The following SLC16A8 variants were observed in gnomAD, a reference collection of about 807,000 sequenced individuals.
The protein encoded by SLC16A8 is solute carrier family 16 member 8.
In SLC16A8, 20 loss-of-function variants were observed where a neutral mutation model predicts 22.4. The observed-to-expected ratio is 0.89, with a 90% confidence interval of 0.63 to 1.30. The LOEUF (loss-of-function observed/expected upper bound fraction) is 1.30, where lower values mean the gene tolerates loss of function less well. Ranked by LOEUF, SLC16A8 falls within the 50% of genes most tolerant of loss-of-function variation. SLC16A8 has a pLI of 0.00. For missense variants in SLC16A8, 817 were observed against 740.3 expected (o/e 1.10, Z -1.20); for synonymous variants, 393 against 358.8 (o/e 1.10, Z -1.08).
intron 5 of SLC16A8, 37 bp downstream of exon 5, chr22:38,080,803 C>T (rs948567646): frequency 1.4e-6 from 2 of 1,459,244 alleles, no homozygotes; most frequent in Non-Finnish European, 1.8e-6. Flanking sequence ...GTCTAAGGGG[C>T]ACTAGGCTCG....
In SLC16A8 at chr22:38,082,716, C is replaced by G. The variant is rs748954724; in HGVS notation, c.158G>C (p.Gly53Ala). ...GGACACCCAGGCCGTGTCGCTGTAG[C>G]CGGCGTCGAAGTCGCGCATGAGCGC... Reference protein sequence around the residue: ...FRALMRDFDAGYSDTAWVSSI... With the variant: ...FRALMRDFDAAYSDTAWVSSI... Residue 53 changes from glycine to alanine, a missense_variant, in exon 3 of 6, where the codon GGC (glycine) becomes GCC (alanine). Coordinates refer to ENST00000681075, the MANE Select transcript of SLC16A8 (RefSeq NM_013356.3). 10 of 1,591,598 alleles carry G rather than the reference C, an allele frequency of 6.3e-6. No individual in the cohort carries two copies. In the Admixed American group the frequency reaches 8.9e-5, roughly 14 times the overall value.
rs1356091524 is a variant in SLC16A8, at chr22:38,082,863, C to G, written c.11G>C (p.Gly4Ala). The G allele has an allele frequency of 6.5e-7, 1 of 1,544,912 alleles. No homozygotes were observed. The highest frequency in any genetic ancestry group is 8.7e-7 in the Non-Finnish European group (1 of 1,149,816). MGA[G>A]GPRRGEGPPD... is the part of the protein sequence containing the mutation. ...GGGGCCCTCGCCCCGCCGGGGGCCG[C>G]CAGCGCCCATCGCTGCCTCTGTTGG... is the stretch of plus-strand genomic sequence containing the variant. The change falls in exon 3 of 6, where the codon GGC (glycine) becomes GCC (alanine). Residue 4 changes from glycine (G) to alanine (A), a missense_variant. Transcript: ENST00000681075.
intron 3 of SLC16A8, 131 bp downstream of exon 3, chr22:38,082,529 G>A: frequency 1.3e-6 from 1 of 771,394 alleles, no homozygotes; most frequent in Non-Finnish European, 2.0e-6. Flanking sequence ...TCTGGTGCCA[G>A]GGTTCCCACA....
chr22:38,081,819 C>T, intron 4 of SLC16A8, 70 bp downstream of exon 4: 1 of 1,518,404 alleles, frequency 6.6e-7, no homozygotes, highest in Non-Finnish European at 8.8e-7. Flanking sequence ...CATAGGGAAA[C>T]CGAGGACAGA....
At chr22:38,078,761 C>T in intron 5 of SLC16A8, 57 bp from the exon 6 acceptor site, 1 of 1,475,244 alleles carries the variant, frequency 6.8e-7, no homozygotes. Flanking sequence ...CCTCCCCTCA[C>T]TCTCCTGCAC....
Position 38,080,894 on chromosome 22 carries a change from C to A in SLC16A8, c.1144G>T (p.Gly382Cys), listed in dbSNP as rs1200140797. The change falls in exon 5 of 6, where the codon GGC (glycine) becomes TGC (cysteine). Residue 382 changes from glycine to cysteine, a missense_variant. Physicochemically the swap from Gly to Cys is radical, Grantham distance 159 (BLOSUM62 -3). Transcript: ENST00000681075. ...VGAPRFPSALGLVLLVEAAAV... is the reference protein window; with the variant it reads ...VGAPRFPSALCLVLLVEAAAV... Reference sequence around the variant, plus strand: ...GCGGCCTCCACGAGCAACACCAGGCCCAGCGCACTGGGGAAGCGGGGCGCG... The same window carrying A: ...GCGGCCTCCACGAGCAACACCAGGCACAGCGCACTGGGGAAGCGGGGCGCG... 7.7e-6 allele frequency: 12 copies of A among 1,562,362 alleles called. No homozygotes were observed. Among genetic ancestry groups the A allele is most frequent in the Non-Finnish European group, 1.0e-5 (12 of 1,160,476 alleles).
chr22:38,082,352 A>G (rs1047419033), intron 3 of SLC16A8, among the ~76,000 whole-genome samples: 1 of 152,142 alleles, frequency 6.6e-6, no homozygotes, highest in Admixed American at 6.5e-5. Context: ...GCCCCCACCT[A>G]CAGGTCAGGG....
rs2085910705 is a variant in SLC16A8 at position 38,081,142 on chromosome 22, T to TCCACGAAGC, written c.887_895dup (p.Gly296_Val298dup). 6.5e-7 allele frequency: 1 copy of TCCACGAAGC among 1,545,124 alleles called. No individual in the cohort carries two copies. The highest frequency in any genetic ancestry group is 8.7e-7 in the Non-Finnish European group (1 of 1,145,136). ...GCCGCACGCCGGGCGCGCCACGATG[T>TCCACGAAGC]CCACGAAGCCCACGATGGACAGCAG... On this transcript the variant is annotated inframe_insertion, in exon 5 of 6. Transcript: ENST00000681075.
chr22:38,081,277 G>A lies in SLC16A8; in HGVS notation c.761C>T (p.Ala254Val). 1 of 1,578,496 alleles carries A rather than the reference G, an allele frequency of 6.3e-7. No individual in the cohort carries two copies. Among genetic ancestry groups the A allele is most frequent in the Non-Finnish European group, 8.6e-7 (1 of 1,162,094 alleles). The part of the protein sequence containing the change: ...DLAVCTDRAF[A>V]VYAVTKFLMA... The stretch of plus-strand genomic sequence containing the variant: ...CAGGAACTTGGTGACGGCGTACACG[G>A]CGAAGGCGCGGTCGGTGCACACTGC... Residue 254 changes from alanine to valine, a missense_variant, in exon 5 of 6, where the codon GCC becomes GTC. Physicochemically the swap from Ala to Val is moderately conservative, Grantham distance 64. Coordinates refer to ENST00000681075, the MANE Select transcript of SLC16A8 (RefSeq NM_013356.3).
rs183953135 is a variant in SLC16A8 at position 38,078,816 on chromosome 22, T to G, written c.1199-112A>C. 9.0e-5 allele frequency: 76 copies of G among 844,738 alleles called. 1 individual carries two copies. In the Admixed American group the frequency reaches 1.5e-3, roughly 16 times the overall value. 52.3% of individuals were successfully genotyped at this position (844,738 alleles called of 1,614,324 possible). On this transcript the variant is annotated intron_variant, in intron 5 of 5. Transcript: ENST00000681075. ...CCACTGACTTGGTGAGGCTCCTGGG[T>G]GACACACACATGCCCACTCTTTATT...
intron 5 of SLC16A8, among the ~76,000 whole-genome samples, chr22:38,079,247 T>C (rs2085885874): frequency 1.3e-5 from 2 of 152,232 alleles, no homozygotes; most frequent in African/African-American, 4.8e-5. Context: ...TTCTATCCCT[T>C]GTAGATACTA....
chr22:38,078,279 TG>T lies in SLC16A8; in HGVS notation c.*108del, dbSNP rs1278848451. 2.7e-4 allele frequency: 284 copies of T among 1,054,510 alleles called. No individual in the cohort carries two copies. The Middle Eastern group carries it at 3.9e-3, about 15-fold the overall frequency. The allele number at this position is 1,054,510 out of a possible 1,614,324, so 65.3% of individuals were successfully genotyped here. A position where few individuals can be genotyped will look rare whatever the true frequency, so the allele number is the denominator to read the frequency against. ...CAGGGGATCAACTGGAGCCCAGACG[TG>T]GACCCCGGGAGTGACCACCCCAGAC... is the stretch of plus-strand genomic sequence containing the variant. On this transcript the variant is annotated 3_prime_UTR_variant, in exon 6 of 6. Coordinates refer to ENST00000681075, the MANE Select transcript of SLC16A8 (RefSeq NM_013356.3).
intron 5 of SLC16A8, among the ~76,000 whole-genome samples, chr22:38,080,057 C>T (rs976798742): frequency 1.3e-5 from 2 of 152,254 alleles, no homozygotes; most frequent in East Asian, 3.8e-4. Context: ...ACTGCACCAT[C>T]TCACAGCCCT....
rs2085873413 is a variant in SLC16A8 at position 38,078,272 on chromosome 22, C to A, written c.*116G>T. On this transcript the variant is annotated 3_prime_UTR_variant, in exon 6 of 6. Transcript: ENST00000681075. ...AGACACCCAGGGGATCAACTGGAGC[C>A]CAGACGTGGACCCCGGGAGTGACCA... The A allele has an allele frequency of 3.1e-6, 3 of 979,556 alleles. No homozygotes were observed. Among genetic ancestry groups the A allele is most frequent in the Non-Finnish European group, 4.5e-6 (3 of 659,836 alleles). 60.7% of individuals were successfully genotyped at this position (979,556 alleles called of 1,614,324 possible).
chr22:38,082,674 A>T lies in SLC16A8; in HGVS notation c.200T>A (p.Met67Lys). 6.3e-7 allele frequency: 1 copy of T among 1,581,182 alleles called. No individual in the cohort carries two copies. The change falls in exon 3 of 6, where the codon ATG becomes AAG. Residue 67 changes from methionine to lysine, a missense_variant. Transcript: ENST00000681075. ...GGGACACTGACCCGTGCCGTAGAGC[A>T]TGGCTAGCATGATGGAGGACACCCA... ...TAWVSSIMLA[M>K]LYGTGPVSSI...
At chr22:38,080,745 C>T (rs1224383868) in intron 5 of SLC16A8, 95 bp downstream of exon 5, 1 of 1,419,606 alleles carries the variant, frequency 7.0e-7, no homozygotes, top group Non-Finnish European at 9.2e-7. Context: ...GCCCCTTCCC[C>T]TCATCCCTGG....
chr22:38,078,722 G>A lies in SLC16A8; in HGVS notation c.1199-18C>T. Reference sequence around the variant, plus strand: ...CAGGCGGCCTGGGGAGGAGGAGGAAGAGGAGGGAGAGGTAAGGTCCTGTGG... The same window carrying A: ...CAGGCGGCCTGGGGAGGAGGAGGAAAAGGAGGGAGAGGTAAGGTCCTGTGG... On this transcript the variant is annotated intron_variant, in intron 5 of 5. Transcript: ENST00000681075. 6.3e-7 allele frequency: 1 copy of A among 1,596,426 alleles called. No homozygotes were observed. Among genetic ancestry groups the A allele is most frequent in the Non-Finnish European group, 8.6e-7 (1 of 1,166,840 alleles).
chr22:38,078,313 C>A lies in SLC16A8; in HGVS notation c.*75G>T, dbSNP rs983167038. Reference sequence around the variant, plus strand: ...GGAGTGACCACCCCAGACCAGCCTCCCAGCGTACCAGGCTCTCTGAGACAA... The same window carrying A: ...GGAGTGACCACCCCAGACCAGCCTCACAGCGTACCAGGCTCTCTGAGACAA... On this transcript the variant is annotated 3_prime_UTR_variant, in exon 6 of 6. Transcript: ENST00000681075. 8 of 1,430,406 alleles carry A rather than the reference C, an allele frequency of 5.6e-6. No homozygotes were observed. The African/African-American group carries it at 1.1e-4, about 20-fold the overall frequency. 88.6% of individuals were successfully genotyped at this position (1,430,406 alleles called of 1,614,324 possible). A position where few individuals can be genotyped will look rare whatever the true frequency, so the allele number is the denominator to read the frequency against.
rs1310850306 is a variant in SLC16A8 at position 38,080,940 on chromosome 22, C to T, written c.1098G>A (p.Glu366=). 7 of 1,586,158 alleles carry T rather than the reference C, an allele frequency of 4.4e-6. No homozygotes were observed. Among genetic ancestry groups the T allele is most frequent in the Non-Finnish European group, 6.0e-6 (7 of 1,172,238 alleles). The change falls in exon 5 of 6, where the codon GAG becomes GAA. Residue 366 remains glutamate (E), a synonymous_variant. Coordinates refer to ENST00000681075, the MANE Select transcript of SLC16A8 (RefSeq NM_013356.3). ...GCGCGCCCACAGCCGCCATGAGCACCTCGAACTGCAGCGCGCCCACCATGC... is the reference window on the plus strand; with the variant it reads ...GCGCGCCCACAGCCGCCATGAGCACTTCGAACTGCAGCGCGCCCACCATGC... ...SYGMVGALQF[E]VLMAAVGAPR... is the part of the protein sequence containing the mutation.
Sources: allele counts gnomAD v4.1 joint callset (sites outside exome capture counted in the v4.1 genomes callset), GRCh38; gene constraint gnomAD v4.1.1; transcripts MANE v1.5; gene names NCBI Gene and HGNC (gene_info 2026-07-23, HGNC 2026-07-21).